Variants in RORA observed in about 807,000 individuals in gnomAD.
The protein encoded by RORA is nuclear receptor ROR-alpha.
In RORA, 7 loss-of-function variants were observed where a neutral mutation model predicts 69.5. The observed-to-expected ratio is 0.10, with a 90% CI of 0.06 to 0.19. RORA has a LOEUF of 0.19. Ranked by LOEUF, RORA falls within the 10% of genes least tolerant of loss-of-function variation. The pLI is 1.00. For synonymous variants in RORA, 261 were observed against 240.8 expected, an observed-to-expected ratio of 1.08 and a Z score of -0.78; for missense variants, 457 against 663.0, an observed-to-expected ratio of 0.69 and a Z score of 3.41.
intron 1 of RORA, among the ~76,000 whole-genome samples, chr15:60,700,989 G>C (rs1298533209): frequency 6.6e-6 from 1 of 152,138 alleles, no homozygotes; most frequent in African/African-American, 2.4e-5. Flanking sequence ...CATGTGCCCT[G>C]GTTTGGGTTT....
rs547127901 is a variant in RORA, at chr15:61,103,557, G to A, written c.166+125496C>T. ...ACACACACACCATGACCTTGTCCCT[G>A]GTGCCCACAGAGTGTCTGGCTCCAT... On this transcript the variant is annotated intron_variant, in intron 1 of 10. Transcript: ENST00000335670. 2.0e-5 allele frequency among the ~76,000 whole-genome samples: 3 copies of A among 152,220 alleles called. No individual in the cohort carries two copies. The South Asian group carries it at 6.2e-4, about 32-fold the overall frequency.
At chr15:60,852,169 G>T (rs1171541415) in intron 1 of RORA, among the ~76,000 whole-genome samples, 1 of 152,156 alleles carries the variant, frequency 6.6e-6, no homozygotes, top group African/African-American at 2.4e-5. Context: ...TCATGTTTAA[G>T]GACACCATCA....
chr15:60,728,151 ATTC>A (rs113160957), intron 1 of RORA, among the ~76,000 whole-genome samples: 4 of 152,268 alleles, frequency 2.6e-5, no homozygotes, highest in African/African-American at 9.6e-5. Context: ...CCGGGTGACT[ATTC>A]TTCATGTAGA....
At position 60,645,102 on chromosome 15, in the gene RORA, C is replaced by T. The variant is rs559283562; in HGVS notation, c.196+33555G>A. On this transcript the variant is annotated intron_variant, in intron 2 of 10. Coordinates refer to ENST00000335670, the MANE Select transcript of RORA (RefSeq NM_134261.3). ...AGTAGAAATTAAAAACACTGTAATT[C>T]CAAAATCTCTCTTAGGGAAGGAACT... 6.6e-5 allele frequency among the ~76,000 whole-genome samples: 10 copies of T among 152,116 alleles called. No individual in the cohort carries two copies. In the East Asian group the frequency reaches 1.9e-3, roughly 29 times the overall value.
chr15:60,544,368 G>A (rs1397905169), intron 2 of RORA, among the ~76,000 whole-genome samples: 2 of 152,070 alleles, frequency 1.3e-5, no homozygotes, highest in African/African-American at 4.8e-5. Flanking sequence ...ATTTTCATTG[G>A]TTTAGGAAAG....
intron 1 of RORA, among the ~76,000 whole-genome samples, chr15:60,832,796 T>TC (rs1253804578): frequency 6.6e-6 from 1 of 152,204 alleles, no homozygotes; most frequent in Admixed American, 6.5e-5. Flanking sequence ...AGGACTGAAG[T>TC]CCGAGGCTTT....
At chr15:61,223,805 C>T (rs924696408) in intron 1 of RORA, among the ~76,000 whole-genome samples, 9 of 152,140 alleles carry the variant, frequency 5.9e-5, no homozygotes, top group African/African-American at 2.2e-4. Flanking sequence ...GAAAAACCAA[C>T]TCATCAGTAA....
chr15:60,780,612 T>G (rs1185996692), intron 1 of RORA, among the ~76,000 whole-genome samples: 1 of 152,240 alleles, frequency 6.6e-6, no homozygotes, highest in Non-Finnish European at 1.5e-5. Flanking sequence ...AGAAACAATT[T>G]GCTTGATAGA....
intron 1 of RORA, among the ~76,000 whole-genome samples, chr15:61,006,553 T>C (rs1254561206): frequency 3.3e-5 from 5 of 152,104 alleles, no homozygotes; most frequent in African/African-American, 1.2e-4. Context: ...AAGTGACAAA[T>C]AAAAGTGATA....
At position 60,497,409 on chromosome 15, in the gene RORA, T is replaced by C; in HGVS notation, c.*46A>G. 1 of 1,578,340 alleles carries C rather than the reference T, an allele frequency of 6.3e-7. No homozygotes were observed. Among genetic ancestry groups the C allele is most frequent in the African/African-American group, 1.3e-5 (1 of 74,074 alleles). ...CTCGGTTAATTTTTTTGTTTGTTTT[T>C]CATGTTTGTACTTCAGACATTCTAG... is the stretch of plus-strand genomic sequence containing the variant. On this transcript the variant is annotated 3_prime_UTR_variant, in exon 11 of 11. Coordinates refer to ENST00000335670, the MANE Select transcript of RORA (RefSeq NM_134261.3).
intron 1 of RORA, among the ~76,000 whole-genome samples, chr15:60,767,740 CTGCAAACTCCCTTCTTGCTT>C (rs1379116732): frequency 1.8e-4 from 28 of 152,188 alleles, no homozygotes; most frequent in Non-Finnish European, 3.2e-4. Flanking sequence ...TCTTTTGTAC[CTGCAAACTCCCTTCTTGCTT>C]TGCAAAACCA....
chr15:60,903,824 A>G (rs1595805504), intron 1 of RORA, among the ~76,000 whole-genome samples: 1 of 152,220 alleles, frequency 6.6e-6, no homozygotes, highest in African/African-American at 2.4e-5. Flanking sequence ...AACAATGAAT[A>G]TAATATCTTC....
chr15:60,577,067 C>A (rs2068047677), intron 2 of RORA, among the ~76,000 whole-genome samples: 2 of 152,144 alleles, frequency 1.3e-5, no homozygotes, highest in Admixed American at 1.3e-4. Context: ...AAACAAAAAT[C>A]TCTGAAAATA....
At position 60,786,022 on chromosome 15, in the gene RORA, GA is replaced by G. The variant is rs147438536; in HGVS notation, c.167-107337del. On this transcript the variant is annotated intron_variant, in intron 1 of 10. Coordinates refer to ENST00000335670, the MANE Select transcript of RORA (RefSeq NM_134261.3). ...AAATGAATGGAATGAATGGATCCCT[GA>G]CAAATAACTTCACCAAAATCTTTTA... 8.0e-4 allele frequency among the ~76,000 whole-genome samples: 122 copies of G among 152,334 alleles called. 3 individuals are homozygous for G. In the East Asian group the frequency reaches 0.02, roughly 25 times the overall value.
intron 1 of RORA, chr15:60,764,934 C>G (rs1175585764): frequency 6.6e-6 from 1 of 151,524 alleles, no homozygotes; most frequent in East Asian, 1.9e-4. Context: ...GCTTCTGTGC[C>G]TGGAACCAGA....
chr15:60,801,490 G>A (rs994579332), intron 1 of RORA, among the ~76,000 whole-genome samples: 2 of 152,124 alleles, frequency 1.3e-5, no homozygotes, highest in South Asian at 2.1e-4. Flanking sequence ...GAGAATGAGC[G>A]TTTTTTTCCT....
intron 1 of RORA, among the ~76,000 whole-genome samples, chr15:61,185,749 T>G (rs1306931741): frequency 1.3e-5 from 2 of 152,210 alleles, no homozygotes; most frequent in Non-Finnish European, 2.9e-5. Flanking sequence ...CATCCCTATC[T>G]GCACCTCAGG....
At chr15:61,193,423 TATAGA>T (rs1159334974) in intron 1 of RORA, among the ~76,000 whole-genome samples, 1 of 152,118 alleles carries the variant, frequency 6.6e-6, no homozygotes, top group Non-Finnish European at 1.5e-5. Context: ...AAGGATTCAT[TATAGA>T]AAAAGTTAGA....
intron 1 of RORA, among the ~76,000 whole-genome samples, chr15:61,004,804 T>A (rs115360234): frequency 6.6e-6 from 1 of 152,008 alleles, no homozygotes; most frequent in South Asian, 2.1e-4. Flanking sequence ...TGAAAAAAAA[T>A]GTCGAACCTC....
Sources: allele counts gnomAD v4.1 joint callset (sites outside exome capture counted in the v4.1 genomes callset), GRCh38; gene constraint gnomAD v4.1.1; transcripts MANE v1.5; gene names NCBI Gene and HGNC (gene_info 2026-07-23, HGNC 2026-07-21).